The following PLCB1 variants were observed in gnomAD, a reference collection of about 807,000 sequenced individuals.
PLCB1 encodes phospholipase C beta 1.
Under a neutral mutation model 161.8 loss-of-function variants are expected in PLCB1, and 46 were observed. The ratio of observed to expected loss-of-function variants is 0.28; its 90% CI spans 0.22 to 0.36. PLCB1 has a LOEUF of 0.36. Ranked by LOEUF, PLCB1 falls within the 10% of genes least tolerant of loss-of-function variation. PLCB1 has a pLI of 1.00. For synonymous variants in PLCB1, 517 were observed against 503.7 expected (o/e 1.03, Z -0.35); for missense variants, 1,016 against 1,472.5 (o/e 0.69, Z 5.07).
At chr20:8,136,389 A>G (rs1164464018) in intron 1 of PLCB1, among the ~76,000 whole-genome samples, 23 of 152,176 alleles carry the variant, frequency 1.5e-4, no homozygotes, top group South Asian at 4.2e-4. Context: ...CACTTTGGGA[A>G]GCCGAGGCGG....
At chr20:8,175,606 A>G (rs2051774665) in intron 2 of PLCB1, among the ~76,000 whole-genome samples, 1 of 152,196 alleles carries the variant, frequency 6.6e-6, no homozygotes, top group Non-Finnish European at 1.5e-5. Context: ...TGGAATATGG[A>G]TCTAGGCAGA....
At chr20:8,393,437 C>T (rs1035077678) in intron 3 of PLCB1, among the ~76,000 whole-genome samples, 12 of 151,918 alleles carry the variant, frequency 7.9e-5, no homozygotes, top group African/African-American at 4.8e-5. Flanking sequence ...TTTGGAAGGC[C>T]GAAGCAGGAG....
chr20:8,254,957 A>G (rs1286700571), intron 2 of PLCB1, among the ~76,000 whole-genome samples: 3 of 152,092 alleles, frequency 2.0e-5, no homozygotes, highest in Non-Finnish European at 4.4e-5. Flanking sequence ...TTGTAATCTG[A>G]AAAGCACCAG....
intron 31 of PLCB1, among the ~76,000 whole-genome samples, chr20:8,879,992 C>A (rs1987915047): frequency 6.6e-6 from 1 of 152,154 alleles, no homozygotes. Context: ...TGGCATCCCC[C>A]AAGAGCTATT....
chr20:8,319,383 T>C (rs989721748), intron 2 of PLCB1, among the ~76,000 whole-genome samples: 1 of 152,076 alleles, frequency 6.6e-6, no homozygotes, highest in African/African-American at 2.4e-5. Context: ...GACTGGGTCA[T>C]GTGTCTCTCA....
intron 3 of PLCB1, among the ~76,000 whole-genome samples, chr20:8,382,253 A>G (rs1042937233): frequency 1.4e-4 from 21 of 150,320 alleles, no homozygotes; most frequent in Non-Finnish European, 2.8e-4. Context: ...ATTTCCATGT[A>G]ATTGTGTGGT....
chr20:8,181,397 T>C (rs2051842580), intron 2 of PLCB1, among the ~76,000 whole-genome samples: 1 of 152,210 alleles, frequency 6.6e-6, no homozygotes, highest in African/African-American at 2.4e-5. Flanking sequence ...GATTTCTTTA[T>C]GATTTCTTTA....
Position 8,308,973 on chromosome 20 carries a change from GT to G in PLCB1, c.178-62399del, listed in dbSNP as rs1005404019. On this transcript the variant is annotated intron_variant, in intron 2 of 31. Transcript: ENST00000338037. The stretch of plus-strand genomic sequence containing the variant: ...GATTTGTTGACTTAAAATCCATATA[GT>G]TTTTTTTTTAAATGTGGACCTAGAA... 2.0e-3 allele frequency among the ~76,000 whole-genome samples: 290 copies of G among 148,358 alleles called. 1 individual carries two copies. The highest frequency in any genetic ancestry group is 6.6e-3 in the African/African-American group (266 of 40,556).
chr20:8,551,542 CCTTTACCAGAGGG>C (rs979250422), intron 3 of PLCB1, among the ~76,000 whole-genome samples: 36 of 152,150 alleles, frequency 2.4e-4, no homozygotes, highest in African/African-American at 8.7e-4. Context: ...TACCTGCATC[CCTTTACCAGAGGG>C]CTTTCTCTGG....
chr20:8,310,866 A>G (rs1295607755), intron 2 of PLCB1, among the ~76,000 whole-genome samples: 3 of 152,148 alleles, frequency 2.0e-5, no homozygotes, highest in Non-Finnish European at 4.4e-5. Flanking sequence ...TAAGGCCTCT[A>G]GCTGCATCCA....
At chr20:8,686,652 T>C (rs184724365) in intron 10 of PLCB1, among the ~76,000 whole-genome samples, 186 of 152,336 alleles carry the variant, frequency 1.2e-3, no homozygotes, top group African/African-American at 4.1e-3. Context: ...ATTTTATGTA[T>C]GTTCATTCAA....
chr20:8,514,072 A>G (rs1341171148), intron 3 of PLCB1, among the ~76,000 whole-genome samples: 1 of 151,002 alleles, frequency 6.6e-6, no homozygotes, highest in East Asian at 1.9e-4. Context: ...CCTGTCATTA[A>G]GAAGAAAAAA....
rs375256891 is a variant in PLCB1, at chr20:8,307,376, T to C, written c.178-64006T>C. ...ATTATGGATACTGAACCTACAGAGGTAATGCTGATTAAATAATTGAACAAT... is the reference window on the plus strand; with the variant it reads ...ATTATGGATACTGAACCTACAGAGGCAATGCTGATTAAATAATTGAACAAT... On this transcript the variant is annotated intron_variant, in intron 2 of 31. Transcript: ENST00000338037. 2.2e-4 allele frequency among the ~76,000 whole-genome samples: 34 copies of C among 152,320 alleles called. 1 individual carries two copies. The highest frequency in any genetic ancestry group is 1.4e-3 in the East Asian group (7 of 5,184).
At chr20:8,281,775 A>G (rs1450965041) in intron 2 of PLCB1, among the ~76,000 whole-genome samples, 1 of 152,020 alleles carries the variant, frequency 6.6e-6, no homozygotes, top group Non-Finnish European at 1.5e-5. Flanking sequence ...CTTTCATTTT[A>G]TTTTTTAACA....
intron 3 of PLCB1, among the ~76,000 whole-genome samples, chr20:8,574,500 A>T (rs1731946228): frequency 6.6e-6 from 1 of 152,228 alleles, no homozygotes; most frequent in Admixed American, 6.5e-5. Flanking sequence ...TATTATTCTT[A>T]ATCAGTTTCA....
At chr20:8,146,064 T>G (rs534376058) in intron 1 of PLCB1, among the ~76,000 whole-genome samples, 6 of 151,350 alleles carry the variant, frequency 4.0e-5, no homozygotes, top group South Asian at 2.1e-4. Context: ...AAAGTGGTTT[T>G]GGGGAACAAA....
At chr20:8,562,280 T>C (rs1986166352) in intron 3 of PLCB1, among the ~76,000 whole-genome samples, 1 of 152,080 alleles carries the variant, frequency 6.6e-6, no homozygotes, top group African/African-American at 2.4e-5. Flanking sequence ...TGTAGGATTC[T>C]AATATACTTG....
intron 4 of PLCB1, among the ~76,000 whole-genome samples, chr20:8,632,799 G>A (rs898645846): frequency 5.3e-5 from 8 of 152,122 alleles, no homozygotes; most frequent in African/African-American, 1.9e-4. Context: ...CAAGATTGAG[G>A]GAAGGTAGTA....
intron 3 of PLCB1, among the ~76,000 whole-genome samples, chr20:8,508,525 A>T (rs1312945278): frequency 6.6e-6 from 1 of 152,156 alleles, no homozygotes; most frequent in African/African-American, 2.4e-5. Flanking sequence ...ATCCTTGCTT[A>T]TTTCCAATCT....
Sources: gnomAD v4.1 joint callset for allele counts (sites outside exome capture counted in the v4.1 genomes callset) on GRCh38, gnomAD v4.1.1 for gene constraint, MANE v1.5 for transcripts, NCBI Gene and HGNC (gene_info 2026-07-23, HGNC 2026-07-21) for gene names.